The following POMK variants were observed in gnomAD, a reference collection of about 807,000 sequenced individuals.
The protein encoded by POMK is protein O-mannose kinase, also known as Sugen kinase 196.
Under a neutral mutation model 23.0 loss-of-function variants are expected in POMK, and 19 were observed. The ratio of observed to expected loss-of-function variants is 0.83; its 90% CI spans 0.58 to 1.21. The LOEUF is 1.21. Ranked by LOEUF, POMK falls within the 50% of genes most tolerant of loss-of-function variation. The pLI is 0.00. For synonymous variants in POMK, 173 were observed against 171.6 expected (o/e 1.01, Z -0.06); for missense variants, 410 against 431.3 (o/e 0.95, Z 0.44).
At chr8:43,111,125 A>G (rs1811648367) in intron 4 of POMK, among the ~76,000 whole-genome samples, 1 of 152,198 alleles carries the variant, frequency 6.6e-6, no homozygotes, top group Admixed American at 6.5e-5. Flanking sequence ...AGGGCGAGGC[A>G]TTGCCCCACC....
At chr8:43,102,773 A>G (rs1198393660) in intron 3 of POMK, among the ~76,000 whole-genome samples, 173 bp downstream of exon 3, 1 of 152,098 alleles carries the variant, frequency 6.6e-6, no homozygotes, top group Non-Finnish European at 1.5e-5. Context: ...CCACGGTCCT[A>G]CTTCAGGCTT....
At position 43,122,939 on chromosome 8, in the gene POMK, C is replaced by A; in HGVS notation, c.*62C>A. 6.9e-7 allele frequency: 1 copy of A among 1,440,330 alleles called. No homozygotes were observed. The highest frequency in any genetic ancestry group is 9.3e-7 in the Non-Finnish European group (1 of 1,073,062). The allele number at this position is 1,440,330 out of a possible 1,614,324, so 89.2% of individuals were successfully genotyped here. On this transcript the variant is annotated 3_prime_UTR_variant, in exon 5 of 5. Coordinates refer to ENST00000331373, the MANE Select transcript of POMK (RefSeq NM_032237.5). Reference sequence around the variant, plus strand: ...TGAATGGAAGTTACAGCATTCTACTCTGATGGTGGAGTTTTTTGCCTGAGT... The same window carrying A: ...TGAATGGAAGTTACAGCATTCTACTATGATGGTGGAGTTTTTTGCCTGAGT...
intron 4 of POMK, among the ~76,000 whole-genome samples, chr8:43,112,499 T>C (rs1474343892): frequency 6.6e-6 from 1 of 152,174 alleles, no homozygotes; most frequent in African/African-American, 2.4e-5. Flanking sequence ...TGCAGGATAT[T>C]ATCCAGGAGA....
At chr8:43,114,934 T>A (rs1031538800) in intron 4 of POMK, among the ~76,000 whole-genome samples, 1 of 151,796 alleles carries the variant, frequency 6.6e-6, no homozygotes, top group Non-Finnish European at 1.5e-5. Flanking sequence ...GGGAGTCAAA[T>A]TTTTTTTTCT....
chr8:43,122,048 C>A, intron 4 of POMK, 59 bp from the exon 5 acceptor site: 1 of 1,512,696 alleles, frequency 6.6e-7, no homozygotes, highest in Non-Finnish European at 9.0e-7. Context: ...ATTTGTTGTT[C>A]TTTGGTCACT....
intron 4 of POMK, among the ~76,000 whole-genome samples, chr8:43,117,592 A>C (rs1811825616): frequency 6.6e-6 from 1 of 152,228 alleles, no homozygotes; most frequent in South Asian, 2.1e-4. Context: ...ATTAATAAGC[A>C]CAAGGCAGAC....
In POMK at chr8:43,122,703, G is replaced by C; in HGVS notation, c.879G>C (p.Leu293=). 6.2e-7 allele frequency: 1 copy of C among 1,614,136 alleles called. No individual in the cohort carries two copies. Among genetic ancestry groups the C allele is most frequent in the East Asian group, 2.2e-5 (1 of 44,890 alleles). ...TCCCAGACATCTCCAGTTTCCTTCT[G>C]GGGCACATTGAAGGGAGTGATATGG... is the stretch of plus-strand genomic sequence containing the variant. ...WKIPDISSFL[L]GHIEGSDMVR... is the part of the protein sequence containing the mutation. The change falls in exon 5 of 5, where the codon CTG becomes CTC. Residue 293 remains leucine, a synonymous_variant. Transcript: ENST00000331373.
chr8:43,122,888 A>G lies in POMK; in HGVS notation c.*11A>G. ...AGAGAGATGCTGTGAAAACCAGTCC[A>G]GCCAATGAAGGTGGGATTGAAGGGC... On this transcript the variant is annotated 3_prime_UTR_variant, in exon 5 of 5. Transcript: ENST00000331373. 6.3e-7 allele frequency: 1 copy of G among 1,592,260 alleles called. No homozygotes were observed. Among genetic ancestry groups the G allele is most frequent in the Non-Finnish European group, 8.5e-7 (1 of 1,171,010 alleles).
chr8:43,098,016 T>C (rs1811369123), intron 2 of POMK, among the ~76,000 whole-genome samples: 1 of 152,144 alleles, frequency 6.6e-6, no homozygotes, highest in Admixed American at 6.5e-5. Flanking sequence ...CCTGGAGGAA[T>C]GCCATCACCT....
intron 4 of POMK, among the ~76,000 whole-genome samples, chr8:43,119,341 TA>T (rs1437225973): frequency 6.6e-6 from 1 of 151,776 alleles, no homozygotes; most frequent in Non-Finnish European, 1.5e-5. Context: ...TATGAAAATT[TA>T]AAAAAATCTT....
At chr8:43,095,206 A>G (rs1187669972) in intron 1 of POMK, among the ~76,000 whole-genome samples, 5 of 152,184 alleles carry the variant, frequency 3.3e-5, no homozygotes, top group African/African-American at 1.2e-4. Context: ...TCTTCTGTGT[A>G]TAGTTCAGTG....
intron 4 of POMK, among the ~76,000 whole-genome samples, chr8:43,106,651 A>T (rs1049512732): frequency 6.6e-6 from 1 of 151,454 alleles, no homozygotes; most frequent in Non-Finnish European, 1.5e-5. Context: ...CTGGGATTAC[A>T]GGCGCCCACC....
At chr8:43,110,084 A>C (rs543826361) in intron 4 of POMK, among the ~76,000 whole-genome samples, 16 of 152,212 alleles carry the variant, frequency 1.1e-4, no homozygotes, top group Non-Finnish European at 2.2e-4. Context: ...CTCATTTAAA[A>C]CAGTCCGTTA....
intron 2 of POMK, among the ~76,000 whole-genome samples, chr8:43,102,269 G>A (rs1292449428): frequency 1.3e-5 from 2 of 152,168 alleles, no homozygotes; most frequent in Non-Finnish European, 2.9e-5. Context: ...GACATGTTGC[G>A]GGAATGAGCA....
At position 43,122,746 on chromosome 8, in the gene POMK, G is replaced by T; in HGVS notation, c.922G>T (p.Asp308Tyr). The T allele has an allele frequency of 1.9e-6, 3 of 1,614,160 alleles. No individual in the cohort carries two copies. Among genetic ancestry groups the T allele is most frequent in the Non-Finnish European group, 2.5e-6 (3 of 1,180,010 alleles). Residue 308 changes from aspartate (D) to tyrosine (Y), a missense_variant, in exon 5 of 5, where the codon GAT (aspartate) becomes TAT (tyrosine). Coordinates refer to ENST00000331373, the MANE Select transcript of POMK (RefSeq NM_032237.5). The stretch of plus-strand genomic sequence containing the variant: ...TGATATGGTCCGATTCCATTTGTTT[G>T]ATATTCACAAAGCATGCAAGAGCCA... ...GSDMVRFHLF[D>Y]IHKACKSQTP...
intron 3 of POMK, 75 bp from the exon 4 acceptor site, chr8:43,103,453 A>G (rs1811482693): frequency 1.4e-6 from 2 of 1,420,516 alleles, no homozygotes; most frequent in African/African-American, 2.8e-5. Context: ...TAGAAGAGGC[A>G]TCAGAACACA....
intron 4 of POMK, among the ~76,000 whole-genome samples, chr8:43,112,789 C>T (rs1223089560): frequency 6.6e-6 from 1 of 152,180 alleles, no homozygotes; most frequent in African/African-American, 2.4e-5. Context: ...AATTTTCAAC[C>T]CAGAATTTCA....
Position 43,103,614 on chromosome 8 carries a change from G to A in POMK, c.66G>A (p.Gly22=). ...CCCGAGAGGTGCCGCCAGCTGTTGG[G>A]CTGCTGCTGATCATGGCCCTGATGA... The part of the protein sequence containing the change: ...LAPREVPPAV[G]LLLIMALMNT... The change falls in exon 4 of 5, where the codon GGG becomes GGA. Residue 22 remains glycine, a synonymous_variant. Coordinates refer to ENST00000331373, the MANE Select transcript of POMK (RefSeq NM_032237.5). 5 of 1,614,030 alleles carry A rather than the reference G, an allele frequency of 3.1e-6. No homozygotes were observed. Among genetic ancestry groups the A allele is most frequent in the Non-Finnish European group, 4.2e-6 (5 of 1,180,026 alleles).
Position 43,121,949 on chromosome 8 carries a change from T to C in POMK, c.283-158T>C, listed in dbSNP as rs1213560394. ...TGCTGTGTTTGCTCATCGGTCTCTC[T>C]TCATAACTAGACGGAGAGCAACTCT... On this transcript the variant is annotated intron_variant, in intron 4 of 4. Transcript: ENST00000331373. Among the ~76,000 whole-genome samples, 3 of 152,260 alleles carry C rather than the reference T, an allele frequency of 2.0e-5. No homozygotes were observed. The East Asian group carries it at 5.8e-4, about 29-fold the overall frequency.
Sources: gnomAD v4.1 joint callset for allele counts (sites outside exome capture counted in the v4.1 genomes callset) on GRCh38, gnomAD v4.1.1 for gene constraint, MANE v1.5 for transcripts, NCBI Gene and HGNC (gene_info 2026-07-23, HGNC 2026-07-21) for gene names.